Variants in BABAM2 observed in about 807,000 individuals in gnomAD.
BABAM2 encodes BRISC and BRCA1-A complex member 2.
Under a neutral mutation model 54.7 loss-of-function variants are expected in BABAM2, and 31 were observed. The ratio of observed to expected loss-of-function variants is 0.57; its 90% CI spans 0.43 to 0.77. The LOEUF (loss-of-function observed/expected upper bound fraction) is 0.77, where lower values mean the gene tolerates loss of function less well. Ranked by LOEUF, BABAM2 falls within the 30% of genes least tolerant of loss-of-function variation. BABAM2 has a pLI of 0.00. For missense variants in BABAM2, 364 were observed against 455.8 expected, an observed-to-expected ratio of 0.80 and a Z score of 1.83; for synonymous variants, 167 against 162.9, an observed-to-expected ratio of 1.03 and a Z score of -0.19.
intron 11 of BABAM2, among the ~76,000 whole-genome samples, chr2:28,328,706 G>A (rs1161809183): frequency 2.0e-5 from 3 of 152,170 alleles, no homozygotes; most frequent in Non-Finnish European, 4.4e-5. Flanking sequence ...TAGTGGCACT[G>A]GGGTTGGAGT....
intron 2 of BABAM2, among the ~76,000 whole-genome samples, chr2:27,920,968 A>G (rs1667303033): frequency 6.6e-6 from 1 of 152,200 alleles, no homozygotes; most frequent in Admixed American, 6.5e-5. Flanking sequence ...GTTAATCTAG[A>G]TTAGTTCTTG....
chr2:27,908,470 G>A (rs547501265), intron 2 of BABAM2, among the ~76,000 whole-genome samples: 234 of 151,970 alleles, frequency 1.5e-3, no homozygotes, highest in South Asian at 2.7e-3. Context: ...ATGGGGTTGC[G>A]CCATGTTGCC....
At chr2:27,955,766 C>T (rs1262357919) in intron 3 of BABAM2, among the ~76,000 whole-genome samples, 1 of 152,096 alleles carries the variant, frequency 6.6e-6, no homozygotes. Context: ...AGACTATTTA[C>T]CTTGGGTATG....
At chr2:28,244,331 A>G (rs1682722885) in intron 9 of BABAM2, among the ~76,000 whole-genome samples, 1 of 152,240 alleles carries the variant, frequency 6.6e-6, no homozygotes, top group Non-Finnish European at 1.5e-5. Flanking sequence ...GTCAGACTTA[A>G]CAATCACTGT....
chr2:27,981,214 A>G (rs1274151535), intron 3 of BABAM2, among the ~76,000 whole-genome samples: 2 of 152,094 alleles, frequency 1.3e-5, no homozygotes, highest in Non-Finnish European at 2.9e-5. Context: ...AACTCTTCAC[A>G]TTGCATTTTT....
At chr2:28,244,364 G>A (rs1682727460) in intron 9 of BABAM2, among the ~76,000 whole-genome samples, 1 of 152,134 alleles carries the variant, frequency 6.6e-6, no homozygotes, top group Admixed American at 6.6e-5. Flanking sequence ...CTGACATTTG[G>A]CATTGTAGTG....
At chr2:28,134,160 A>T (rs968550949) in intron 7 of BABAM2, among the ~76,000 whole-genome samples, 1 of 149,542 alleles carries the variant, frequency 6.7e-6, no homozygotes, top group Middle Eastern at 3.2e-3. Flanking sequence ...GACACGAGTA[A>T]GTTCTGTTAA....
chr2:28,246,035 A>T (rs1044615840), intron 10 of BABAM2, among the ~76,000 whole-genome samples: 1 of 152,288 alleles, frequency 6.6e-6, no homozygotes, highest in African/African-American at 2.4e-5. Context: ...TCATATAGAG[A>T]TGATCGAGCG....
chr2:28,271,892 A>T (rs377387290), intron 10 of BABAM2, among the ~76,000 whole-genome samples: 1 of 152,346 alleles, frequency 6.6e-6, no homozygotes, highest in Admixed American at 6.5e-5. Flanking sequence ...ATTATCCCAG[A>T]TGATTACTCC....
At position 28,112,146 on chromosome 2, in the gene BABAM2, T is replaced by TTTCCTTCC. The variant is rs1344247281; in HGVS notation, c.571-17123_571-17122insCCTTCCTT. Among the ~76,000 whole-genome samples, 21 of 10,560 alleles carry TTTCCTTCC rather than the reference T, an allele frequency of 2.0e-3. 2 individuals carry two copies. The highest frequency in any genetic ancestry group is 2.9e-3 in the Non-Finnish European group (20 of 6,796). 6.9% of individuals were successfully genotyped at this position (10,560 alleles called of 152,430 possible). ...CTTTCTTTCTTTCTTTCTTTCTTTC[T>TTTCCTTCC]TTACCTCCCTCCCTCCCTCCCTCCC... On this transcript the variant is annotated intron_variant, in intron 6 of 11. Transcript: ENST00000379624.
chr2:28,246,104 C>T (rs1313607561), intron 10 of BABAM2, among the ~76,000 whole-genome samples: 1 of 152,098 alleles, frequency 6.6e-6, no homozygotes, highest in African/African-American at 2.4e-5. Flanking sequence ...CAACAATCAC[C>T]ACTTTTCAAG....
intron 6 of BABAM2, among the ~76,000 whole-genome samples, chr2:28,103,747 A>G (rs1178052164): frequency 1.3e-5 from 2 of 152,212 alleles, no homozygotes; most frequent in African/African-American, 4.8e-5. Flanking sequence ...CAACAGTCCC[A>G]TTTCTGCTCT....
At chr2:27,976,869 G>C (rs12465103) in intron 3 of BABAM2, among the ~76,000 whole-genome samples, 99,394 of 151,934 alleles carry the variant, frequency 0.65, 34,207 homozygotes, top group Middle Eastern at 0.8. Flanking sequence ...ATTAGGTGTG[G>C]TCCGAAGTCT....
chr2:28,095,071 T>C (rs993042414), intron 6 of BABAM2, among the ~76,000 whole-genome samples: 2 of 152,166 alleles, frequency 1.3e-5, no homozygotes, highest in Admixed American at 6.6e-5. Flanking sequence ...CTCTGTATGC[T>C]GATATTATTT....
At chr2:27,936,360 C>G (rs1475757901) in intron 3 of BABAM2, among the ~76,000 whole-genome samples, 2 of 152,158 alleles carry the variant, frequency 1.3e-5, no homozygotes, top group Non-Finnish European at 2.9e-5. Flanking sequence ...GGACTGTAAA[C>G]TAGTTCAACC....
intron 10 of BABAM2, among the ~76,000 whole-genome samples, chr2:28,273,009 G>A (rs766349457): frequency 8.5e-5 from 13 of 152,190 alleles, no homozygotes; most frequent in Non-Finnish European, 1.5e-4. Flanking sequence ...CTGGAATGCC[G>A]TGGAACTTTC....
rs565199121 is a variant in BABAM2, at chr2:28,230,922, C to T, written c.681-6280C>T. ...ATTTTATGTATAAAAGCTTTGAAGA[C>T]GATTTTAATCACTTATTCTACTATT... is the stretch of plus-strand genomic sequence containing the variant. On this transcript the variant is annotated intron_variant, in intron 7 of 11. Coordinates refer to ENST00000379624, the MANE Select transcript of BABAM2 (RefSeq NM_199191.3). 1.3e-3 allele frequency among the ~76,000 whole-genome samples: 202 copies of T among 152,062 alleles called. 1 individual carries two copies. The highest frequency in any genetic ancestry group is 1.1e-3 in the Non-Finnish European group (78 of 67,978).
At chr2:28,048,307 G>A (rs1341907307) in intron 6 of BABAM2, among the ~76,000 whole-genome samples, 1 of 152,090 alleles carries the variant, frequency 6.6e-6, no homozygotes, top group Non-Finnish European at 1.5e-5. Flanking sequence ...ATTATTTTAT[G>A]TTAAAATGAA....
At chr2:28,004,689 C>CT (rs139298331) in intron 4 of BABAM2, among the ~76,000 whole-genome samples, 4,590 of 140,608 alleles carry the variant, frequency 0.033, 82 homozygotes, top group Admixed American at 0.051. Flanking sequence ...TTTAAAGATA[C>CT]TTTTTTTTTT....
Sources: allele counts gnomAD v4.1 joint callset (sites outside exome capture counted in the v4.1 genomes callset), GRCh38; gene constraint gnomAD v4.1.1; transcripts MANE v1.5; gene names NCBI Gene and HGNC (gene_info 2026-07-23, HGNC 2026-07-21).